Variants in PTTG1IP observed in about 807,000 individuals in gnomAD.
The protein encoded by PTTG1IP is pituitary tumor-transforming gene 1 protein-interacting protein.
A neutral mutation model predicts 24.4 loss-of-function variants in PTTG1IP; 16 were observed. The observed-to-expected ratio is 0.66, with a 90% CI of 0.44 to 1.00. The LOEUF (loss-of-function observed/expected upper bound fraction) is 1.00, where lower values mean the gene tolerates loss of function less well. Among genes scored for constraint, PTTG1IP ranks in the 50% least tolerant of loss-of-function variants. The probability of loss-of-function intolerance (pLI) is 0.00; values close to 1 mark genes in which losing one functional copy is unlikely to be tolerated. For synonymous variants in PTTG1IP, 89 were observed against 96.8 expected, an observed-to-expected ratio of 0.92 and a Z score of 0.47; for missense variants, 241 against 245.8, an observed-to-expected ratio of 0.98 and a Z score of 0.13.
intron 2 of PTTG1IP, among the ~76,000 whole-genome samples, chr21:44,863,831 C>A (rs2083513317): frequency 6.6e-6 from 1 of 152,242 alleles, no homozygotes; most frequent in East Asian, 1.9e-4. Context: ...ATGCAAGTAT[C>A]CACTTAAGTC....
chr21:44,867,587 G>A (rs761723892), intron 1 of PTTG1IP, among the ~76,000 whole-genome samples: 4 of 152,252 alleles, frequency 2.6e-5, no homozygotes, highest in Admixed American at 6.5e-5. Context: ...GCTGAACTCT[G>A]GTCCCTGACA....
chr21:44,854,137 C>T (rs75120450), intron 5 of PTTG1IP, among the ~76,000 whole-genome samples: 1 of 152,330 alleles, frequency 6.6e-6, no homozygotes, highest in East Asian at 1.9e-4. Context: ...ACAGTGGCTG[C>T]TGGGCTTTGC....
chr21:44,849,772 G>A lies in PTTG1IP; in HGVS notation c.*1809C>T, dbSNP rs2083398182. The A allele has an allele frequency of 4.6e-5, 7 of 152,344 alleles. No individual in the cohort carries two copies. The South Asian group carries it at 8.3e-4, about 18-fold the overall frequency. The allele number at this position is 152,344 out of a possible 1,614,324, so 9.4% of individuals were successfully genotyped here. ...TACACTGAGCGCAAGGGCTGACTAC[G>A]CTGTATTTCACAACCGAGCCCTAGC... On this transcript the variant is annotated 3_prime_UTR_variant, in exon 6 of 6. Transcript: ENST00000330938.
chr21:44,868,211 G>T (rs184492352), intron 1 of PTTG1IP, among the ~76,000 whole-genome samples: 200 of 152,328 alleles, frequency 1.3e-3, no homozygotes, highest in Non-Finnish European at 2.3e-3. Flanking sequence ...CACTGCTGAC[G>T]TTCCCAAGTC....
At chr21:44,856,749 A>G (rs1246373400) in intron 3 of PTTG1IP, among the ~76,000 whole-genome samples, 1 of 152,230 alleles carries the variant, frequency 6.6e-6, no homozygotes, top group East Asian at 1.9e-4. Flanking sequence ...AAGACATTCT[A>G]AACTCACAGA....
At chr21:44,871,285 G>A (rs1246750020) in intron 1 of PTTG1IP, among the ~76,000 whole-genome samples, 1 of 152,190 alleles carries the variant, frequency 6.6e-6, no homozygotes, top group Admixed American at 6.5e-5. Context: ...CCCACTGTAA[G>A]GAGCAGCTGA....
chr21:44,870,044 G>T (rs1338161638), intron 1 of PTTG1IP, among the ~76,000 whole-genome samples: 1 of 152,202 alleles, frequency 6.6e-6, no homozygotes, highest in Non-Finnish European at 1.5e-5. Flanking sequence ...TGGATTACCG[G>T]TCAGTCTGAG....
Position 44,851,299 on chromosome 21 carries a change from G to T in PTTG1IP, c.*282C>A. ...TCAGGCGGCTTCGTGTGCAGTTAGC[G>T]TTTCACAAACTGAGAAGAGTATAAA... On this transcript the variant is annotated 3_prime_UTR_variant, in exon 6 of 6. Transcript: ENST00000330938. 1 of 1,450,642 alleles carries T rather than the reference G, an allele frequency of 6.9e-7. No individual in the cohort carries two copies. Among genetic ancestry groups the T allele is most frequent in the Non-Finnish European group, 9.1e-7 (1 of 1,094,886 alleles). The allele number at this position is 1,450,642 out of a possible 1,614,324, so 89.9% of individuals were successfully genotyped here.
chr21:44,856,969 G>A (rs1473296408), intron 3 of PTTG1IP, among the ~76,000 whole-genome samples: 1 of 152,100 alleles, frequency 6.6e-6, no homozygotes, highest in South Asian at 2.1e-4. Context: ...GCTGAAGAAC[G>A]GCTGGCTAAT....
chr21:44,860,322 T>C (rs1277746944), intron 3 of PTTG1IP, among the ~76,000 whole-genome samples: 1 of 152,140 alleles, frequency 6.6e-6, no homozygotes, highest in Admixed American at 6.5e-5. Context: ...TGAGCCAAGA[T>C]AGTGCCATTG....
In PTTG1IP at chr21:44,871,084, A is replaced by G. The variant is rs549766799; in HGVS notation, c.115+2418T>C. ...GGCATGGAGAACAACTACATTGTCA[A>G]TTCCAGGTGAGAAAAGAGGGCAGAT... On this transcript the variant is annotated intron_variant, in intron 1 of 5. Transcript: ENST00000330938. Among the ~76,000 whole-genome samples, 9 of 152,384 alleles carry G rather than the reference A, an allele frequency of 5.9e-5. No homozygotes were observed. In the South Asian group the frequency reaches 8.3e-4, roughly 14 times the overall value.
chr21:44,865,722 C>G, intron 1 of PTTG1IP: 1 of 557,918 alleles, frequency 1.8e-6, no homozygotes, highest in South Asian at 2.1e-5. Context: ...GAGAAGAGTG[C>G]CAACACAGAA....
At chr21:44,873,362 C>T in intron 1 of PTTG1IP, 140 bp downstream of exon 1, 1 of 865,964 alleles carries the variant, frequency 1.2e-6, no homozygotes, top group Non-Finnish European at 1.5e-6. Context: ...GAGGAGCCTC[C>T]GTCGGGGCGC....
At chr21:44,854,287 C>G (rs1217200148) in intron 5 of PTTG1IP, among the ~76,000 whole-genome samples, 1 of 152,202 alleles carries the variant, frequency 6.6e-6, no homozygotes, top group Admixed American at 6.5e-5. Context: ...TCAGAAAAGG[C>G]TCTGAAATTT....
chr21:44,861,824 C>G, intron 2 of PTTG1IP: 2 of 717,570 alleles, frequency 2.8e-6, no homozygotes, highest in East Asian at 5.4e-5. Context: ...AGGACACAGC[C>G]TGGCCCATCA....
chr21:44,866,471 AACAC>A lies in PTTG1IP; in HGVS notation c.116-1028_116-1025del, dbSNP rs34708509. Among the ~76,000 whole-genome samples, 2 of 16,778 alleles carry A rather than the reference AACAC, an allele frequency of 1.2e-4. 1 individual carries two copies. Among genetic ancestry groups the A allele is most frequent in the African/African-American group, 5.6e-4 (2 of 3,576 alleles). The allele number at this position is 16,778 out of a possible 152,430, so 11.0% of individuals were successfully genotyped here. A position where few individuals can be genotyped will look rare whatever the true frequency, so the allele number is the denominator to read the frequency against. On this transcript the variant is annotated intron_variant, in intron 1 of 5. Coordinates refer to ENST00000330938, the MANE Select transcript of PTTG1IP (RefSeq NM_004339.4). ...AGAGTGCCTACTCCCCCAATCCCAT[AACAC>A]ACACACACACACACACGCAGACTGC...
chr21:44,863,626 C>CTTTG (rs2083511696), intron 2 of PTTG1IP, among the ~76,000 whole-genome samples: 1 of 152,192 alleles, frequency 6.6e-6, no homozygotes, highest in Non-Finnish European at 1.5e-5. Flanking sequence ...CAAAAACGCA[C>CTTTG]TCTAGGCTAC....
At chr21:44,859,254 G>A (rs183345192) in intron 3 of PTTG1IP, among the ~76,000 whole-genome samples, 17 of 152,210 alleles carry the variant, frequency 1.1e-4, no homozygotes, top group Non-Finnish European at 2.1e-4. Context: ...CTGTGGTGAC[G>A]GGAAGTCCAG....
chr21:44,857,169 A>C (rs2083456026), intron 3 of PTTG1IP, among the ~76,000 whole-genome samples: 1 of 152,270 alleles, frequency 6.6e-6, no homozygotes, highest in African/African-American at 2.4e-5. Context: ...ATGTGTTTTC[A>C]ATCATGTAGT....
Sources: gnomAD v4.1 joint callset for allele counts (sites outside exome capture counted in the v4.1 genomes callset) on GRCh38, gnomAD v4.1.1 for gene constraint, MANE v1.5 for transcripts, NCBI Gene and HGNC (gene_info 2026-07-23, HGNC 2026-07-21) for gene names.